The following RIMS3 variants were observed in gnomAD, a reference collection of about 807,000 sequenced individuals.
RIMS3 encodes the protein regulating synaptic membrane exocytosis protein 3.
A neutral mutation model predicts 29.2 loss-of-function variants in RIMS3; 15 were observed. That is an observed-to-expected ratio of 0.51 (90% CI 0.34 to 0.79). The LOEUF is 0.79. Among genes scored for constraint, RIMS3 ranks in the 30% least tolerant of loss-of-function variants. The pLI is 0.01. For missense variants in RIMS3, 342 were observed against 421.4 expected (o/e 0.81, Z 1.65); for synonymous variants, 161 against 170.1 (o/e 0.95, Z 0.41).
At chr1:40,642,543 T>G (rs1570183138) in intron 2 of RIMS3, among the ~76,000 whole-genome samples, 1 of 152,184 alleles carries the variant, frequency 6.6e-6, no homozygotes, top group East Asian at 1.9e-4. Context: ...AATCACCCTT[T>G]ATCGTACTCT....
the RIMS3 span, among the ~76,000 whole-genome samples, chr1:40,675,925 C>CA: frequency 2.4e-3 from 345 of 142,180 alleles, 1 homozygote; most frequent in East Asian, 0.038. Context: ...AAGACCCTGT[C>CA]AAAAAAAAAA....
chr1:40,668,491 C>CGGGGGGGGGGGGGGGGGGGTGGGGGG (rs56114535), upstream of RIMS3, among the ~76,000 whole-genome samples: 1 of 51,586 alleles, frequency 1.9e-5, no homozygotes, highest in Non-Finnish European at 3.5e-5. Flanking sequence ...GGGTTGTGGG[C>CGGGGGGGGGGGGGGGGGGGTGGGGGG]GGGGGGGGGG....
chr1:40,684,918 G>C, the RIMS3 span, among the ~76,000 whole-genome samples: 1 of 152,130 alleles, frequency 6.6e-6, no homozygotes, highest in Admixed American at 6.6e-5. Context: ...GTTTCATCAG[G>C]GTCTGGAAGT....
In RIMS3 at chr1:40,626,711, A is replaced by G. The variant is rs750812221; in HGVS notation, c.733T>C (p.Tyr245His). 6.2e-7 allele frequency: 1 copy of G among 1,614,128 alleles called. No individual in the cohort carries two copies. Among genetic ancestry groups the G allele is most frequent in the South Asian group, 1.1e-5 (1 of 91,088 alleles). ...AAGCACTTGTGGTCCATGCGGCCAT[A>G]GTCTCCCCAGACGATCACCTGCCAG... ...KVLQVIVWGD[Y>H]GRMDHKCFMG... Residue 245 changes from tyrosine to histidine, a missense_variant, in exon 8 of 8, where the codon TAT (tyrosine) becomes CAT (histidine). Tyr to His is a moderately conservative substitution (Grantham distance 83). Transcript: ENST00000372684.
Position 40,665,602 on chromosome 1 carries a change from C to T in RIMS3, c.-415G>A, listed in dbSNP as rs1004120455. On this transcript the variant is annotated 5_prime_UTR_variant, in exon 1 of 8. Transcript: ENST00000372684. ...GGCTCACGGGGGCATCGCCCGCCAC[C>T]ACGGGGGCAGCTCCGCTCCGCCCGC... 6.6e-6 allele frequency: 1 copy of T among 152,152 alleles called. No homozygotes were observed. The highest frequency in any genetic ancestry group is 1.5e-5 in the Non-Finnish European group (1 of 68,018). The allele number at this position is 152,152 out of a possible 1,614,324, so 9.4% of individuals were successfully genotyped here.
chr1:40,639,068 G>C (rs1268701692), intron 3 of RIMS3, among the ~76,000 whole-genome samples: 2 of 152,182 alleles, frequency 1.3e-5, no homozygotes, highest in East Asian at 3.9e-4. Flanking sequence ...TTGAAACAAA[G>C]AAGGATGGGC....
chr1:40,660,568 T>G (rs1311220530), intron 1 of RIMS3, among the ~76,000 whole-genome samples: 5 of 151,822 alleles, frequency 3.3e-5, no homozygotes, highest in Admixed American at 2.0e-4. Flanking sequence ...TTTGTAGAGA[T>G]GGGGTTTCGC....
chr1:40,635,915 CGTG>C lies in RIMS3; in HGVS notation c.357_359del (p.Thr120del). ...GGACCACAGCACGGGGCTGCACGCACGTGCCGTCGGAGCTGTTGCTGTTGGTGC... is the reference window on the plus strand; with the variant it reads ...GGACCACAGCACGGGGCTGCACGCACCCGTCGGAGCTGTTGCTGTTGGTGC... On this transcript the variant is annotated inframe_deletion and splice_region_variant, in exon 4 of 8. Transcript: ENST00000372684. The surrounding 1 kb of genome is among the most constrained non-coding windows in gnomAD (Gnocchi z 4.1). 6.2e-7 allele frequency: 1 copy of C among 1,612,670 alleles called. No homozygotes were observed. The highest frequency in any genetic ancestry group is 2.2e-5 in the East Asian group (1 of 44,882).
intron 3 of RIMS3, among the ~76,000 whole-genome samples, chr1:40,637,307 C>G (rs1437807212): frequency 6.6e-6 from 1 of 152,098 alleles, no homozygotes; most frequent in Admixed American, 6.6e-5. Context: ...TCAGAAAGTC[C>G]CCACTGGAGG....
chr1:40,655,024 C>A (rs1642254925), intron 1 of RIMS3, among the ~76,000 whole-genome samples: 3 of 152,176 alleles, frequency 2.0e-5, no homozygotes, highest in South Asian at 4.1e-4. Flanking sequence ...TCCCTCCTTG[C>A]CATCTGCCTT....
rs144629578 is a variant in RIMS3 at position 40,653,851 on chromosome 1, A to G, written c.-206-6009T>C. ...TACTCACAATCACACTGGACCGCAG[A>G]TGAAAATGAGGACTGTGCCAGGCAA... On this transcript the variant is annotated intron_variant, in intron 1 of 7. Coordinates refer to ENST00000372684, the MANE Select transcript of RIMS3 (RefSeq NM_014747.3). Among the ~76,000 whole-genome samples the G allele has an allele frequency of 1.2e-3, 176 of 152,294 alleles. 3 individuals are homozygous for G. Among genetic ancestry groups the G allele is most frequent in the African/African-American group, 4.1e-3 (171 of 41,558 alleles).
chr1:40,661,579 C>T (rs553248213), intron 1 of RIMS3, among the ~76,000 whole-genome samples: 2 of 152,346 alleles, frequency 1.3e-5, no homozygotes, highest in South Asian at 2.1e-4. Context: ...CTCCCACCCC[C>T]AGCCAGCCCT....
chr1:40,629,124 C>T, intron 6 of RIMS3, 147 bp downstream of exon 6: 1 of 1,037,934 alleles, frequency 9.6e-7, no homozygotes, highest in Non-Finnish European at 1.5e-6. Context: ...CTCCCTTACT[C>T]CCCCACCTAG....
chr1:40,658,564 GGTGGGC>G (rs971790563), intron 1 of RIMS3, among the ~76,000 whole-genome samples: 5 of 152,216 alleles, frequency 3.3e-5, no homozygotes, highest in Non-Finnish European at 7.3e-5. Context: ...ACTGGACCAG[GGTGGGC>G]ACCTGCCTCA....
At chr1:40,648,134 C>T (rs1008397118) in intron 1 of RIMS3, among the ~76,000 whole-genome samples, 1 of 152,108 alleles carries the variant, frequency 6.6e-6, no homozygotes, top group African/African-American at 2.4e-5. Flanking sequence ...GAGCTCTAGA[C>T]CCTATCCTTC....
intron 4 of RIMS3, among the ~76,000 whole-genome samples, chr1:40,634,941 C>CAA (rs111853416): frequency 4.1e-4 from 38 of 93,102 alleles, no homozygotes; most frequent in Admixed American, 8.1e-4. Context: ...AACTCCATCA[C>CAA]AAAAAAAAAA....
At chr1:40,657,330 C>T (rs1266301851) in intron 1 of RIMS3, among the ~76,000 whole-genome samples, 4 of 152,094 alleles carry the variant, frequency 2.6e-5, no homozygotes, top group South Asian at 2.1e-4. Flanking sequence ...GCTATCTGCC[C>T]GTGAGACCTT....
the RIMS3 span, chr1:40,691,992 C>G: frequency 3.6e-6 from 1 of 280,676 alleles, no homozygotes. Flanking sequence ...TAGCTCGGTC[C>G]GTCCTGCCCG....
rs769537261 is a variant in RIMS3 at position 40,636,061 on chromosome 1, T to C, written c.218-4A>G. The stretch of plus-strand genomic sequence containing the variant: ...CGCAGCTTCTTGGTGGCCCCTTCTG[T>C]GACCCCCCCAACCCCAAGCACAGAG... On this transcript the variant is annotated splice_polypyrimidine_tract_variant and splice_region_variant and intron_variant, in intron 3 of 7. Transcript: ENST00000372684. The surrounding 1 kb of genome is among the most constrained non-coding windows in gnomAD (Gnocchi z 4.2). 4 of 1,602,476 alleles carry C rather than the reference T, an allele frequency of 2.5e-6. No individual in the cohort carries two copies. The East Asian group carries it at 8.9e-5, about 36-fold the overall frequency.
Sources: gnomAD v4.1 joint callset for allele counts (sites outside exome capture counted in the v4.1 genomes callset) on GRCh38, gnomAD v4.1.1 for gene constraint, Gnocchi (gnomAD v3.1) non-coding constraint, MANE v1.5 for transcripts, NCBI Gene and HGNC (gene_info 2026-07-23, HGNC 2026-07-21) for gene names.